The following RGS17 variants were observed in gnomAD, a reference collection of about 807,000 sequenced individuals.
The protein encoded by RGS17 is regulator of G-protein signaling 17.
Under a neutral mutation model 25.5 loss-of-function variants are expected in RGS17, and 12 were observed. The ratio of observed to expected loss-of-function variants is 0.47; its 90% confidence interval spans 0.30 to 0.76. RGS17 has a LOEUF of 0.76. Among genes scored for constraint, RGS17 ranks in the 30% least tolerant of loss-of-function variants. The pLI, the probability that RGS17 is intolerant of heterozygous loss-of-function variation, is 0.07. For synonymous variants in RGS17, 71 were observed against 76.9 expected, an observed-to-expected ratio of 0.92 and a Z score of 0.40; for missense variants, 196 against 242.2, an observed-to-expected ratio of 0.81 and a Z score of 1.27.
At chr6:153,073,359 T>C (rs1451030323) in intron 1 of RGS17, among the ~76,000 whole-genome samples, 2 of 152,180 alleles carry the variant, frequency 1.3e-5, no homozygotes, top group Admixed American at 6.6e-5. Context: ...CATCTACGAC[T>C]TTTTGATTCA....
intron 1 of RGS17, among the ~76,000 whole-genome samples, chr6:153,059,166 GA>G (rs1776602707): frequency 6.6e-6 from 1 of 152,014 alleles, no homozygotes; most frequent in African/African-American, 2.4e-5. Context: ...CTTAGTTACA[GA>G]TAAATATATA....
At chr6:153,095,014 A>G (rs1023997806) in intron 1 of RGS17, among the ~76,000 whole-genome samples, 1 of 152,176 alleles carries the variant, frequency 6.6e-6, no homozygotes, top group Non-Finnish European at 1.5e-5. Context: ...AATATTAATA[A>G]TGATGCATAA....
chr6:153,118,819 T>C (rs1777580127), intron 1 of RGS17, among the ~76,000 whole-genome samples: 1 of 152,192 alleles, frequency 6.6e-6, no homozygotes, highest in South Asian at 2.1e-4. Context: ...TCACCCTTTC[T>C]GCCACATGAC....
At chr6:153,060,392 C>T (rs1179113115) in intron 1 of RGS17, among the ~76,000 whole-genome samples, 2 of 152,150 alleles carry the variant, frequency 1.3e-5, no homozygotes, top group African/African-American at 4.8e-5. Context: ...CTGGCAGAGG[C>T]ACTTCCCCCA....
intron 4 of RGS17, among the ~76,000 whole-genome samples, chr6:153,017,188 G>A (rs73785717): frequency 0.019 from 2,846 of 152,154 alleles, 91 homozygotes; most frequent in African/African-American, 0.065. Flanking sequence ...AGGTTTGACC[G>A]CATTTAACTG....
At chr6:153,098,811 A>G (rs1777255012) in intron 1 of RGS17, among the ~76,000 whole-genome samples, 1 of 152,222 alleles carries the variant, frequency 6.6e-6, no homozygotes, top group African/African-American at 2.4e-5. Flanking sequence ...GAATACTATC[A>G]TTCTATGATC....
At chr6:153,024,646 A>G (rs199603868) in intron 3 of RGS17, 150 bp from the exon 4 acceptor site, 18 of 634,034 alleles carry the variant, frequency 2.8e-5, no homozygotes, top group East Asian at 1.4e-4. Context: ...GATGTGCCAA[A>G]TAAGTATCTG....
At chr6:153,055,586 G>T (rs1219585970) in intron 1 of RGS17, among the ~76,000 whole-genome samples, 1 of 152,088 alleles carries the variant, frequency 6.6e-6, no homozygotes, top group Non-Finnish European at 1.5e-5. Flanking sequence ...GCTGAGCAAG[G>T]ATGGAAAGTG....
intron 1 of RGS17, among the ~76,000 whole-genome samples, chr6:153,059,172 T>C (rs550586851): frequency 2.0e-5 from 3 of 152,300 alleles, no homozygotes; most frequent in African/African-American, 7.2e-5. Context: ...TACAGATAAA[T>C]ATATAAAAAG....
At chr6:153,078,868 T>C (rs1776926634) in intron 1 of RGS17, among the ~76,000 whole-genome samples, 1 of 151,986 alleles carries the variant, frequency 6.6e-6, no homozygotes, top group Non-Finnish European at 1.5e-5. Context: ...CATACAGAAA[T>C]ACAGTAGGCT....
chr6:153,037,576 C>A (rs575615682), intron 2 of RGS17, among the ~76,000 whole-genome samples: 3 of 152,014 alleles, frequency 2.0e-5, no homozygotes, highest in Non-Finnish European at 4.4e-5. Context: ...CAGGCGCATG[C>A]CACCACACCC....
chr6:153,043,722 A>G (rs1303865769), intron 2 of RGS17, among the ~76,000 whole-genome samples, 178 bp downstream of exon 2: 1 of 152,126 alleles, frequency 6.6e-6, no homozygotes, highest in African/African-American at 2.4e-5. Context: ...AATATTATAT[A>G]TTTTGTTTGT....
At chr6:153,058,826 A>G (rs1776598714) in intron 1 of RGS17, among the ~76,000 whole-genome samples, 1 of 152,130 alleles carries the variant, frequency 6.6e-6, no homozygotes, top group African/African-American at 2.4e-5. Flanking sequence ...TTCTTAGTTC[A>G]TGACCCATTT....
At chr6:153,022,186 T>G (rs988176871) in intron 4 of RGS17, among the ~76,000 whole-genome samples, 1 of 152,142 alleles carries the variant, frequency 6.6e-6, no homozygotes, top group African/African-American at 2.4e-5. Flanking sequence ...ACAGCCTGGG[T>G]GGCACAGTGA....
At chr6:153,094,016 TATC>T (rs1462214410) in intron 1 of RGS17, among the ~76,000 whole-genome samples, 1 of 152,134 alleles carries the variant, frequency 6.6e-6, no homozygotes, top group East Asian at 1.9e-4. Context: ...TAATATCTGG[TATC>T]ATCAATGGAG....
In RGS17 at chr6:153,011,420, T is replaced by C. The variant is rs1295993329; in HGVS notation, c.*154A>G. 1.7e-6 allele frequency: 1 copy of C among 590,828 alleles called. No individual in the cohort carries two copies. Among genetic ancestry groups the C allele is most frequent in the Non-Finnish European group, 3.0e-6 (1 of 337,156 alleles). 36.6% of individuals were successfully genotyped at this position (590,828 alleles called of 1,614,324 possible). A position where few individuals can be genotyped will look rare whatever the true frequency, so the allele number is the denominator to read the frequency against. ...CTCCAAACTTAACCATGGAAAACCT[T>C]GATAAAAATGGAGACAAAGACCATA... On this transcript the variant is annotated 3_prime_UTR_variant, in exon 5 of 5. Coordinates refer to ENST00000206262, the MANE Select transcript of RGS17 (RefSeq NM_012419.5).
chr6:153,091,341 C>T (rs3910736), intron 1 of RGS17, among the ~76,000 whole-genome samples: 55,719 of 151,754 alleles, frequency 0.37, 10,752 homozygotes, highest in East Asian at 0.66. Context: ...TTTGGAGAAC[C>T]ATCTCAAATG....
chr6:153,079,323 C>T (rs1776935451), intron 1 of RGS17, among the ~76,000 whole-genome samples: 1 of 151,912 alleles, frequency 6.6e-6, no homozygotes, highest in South Asian at 2.1e-4. Context: ...GGTGATCTGC[C>T]CGCTTCTGCC....
At chr6:153,111,262 C>T (rs1452172979) in intron 1 of RGS17, among the ~76,000 whole-genome samples, 1 of 152,124 alleles carries the variant, frequency 6.6e-6, no homozygotes, top group African/African-American at 2.4e-5. Flanking sequence ...GGGGGAGGGG[C>T]GTCCGCCATT....
Sources: allele counts gnomAD v4.1 joint callset (sites outside exome capture counted in the v4.1 genomes callset), GRCh38; gene constraint gnomAD v4.1.1; transcripts MANE v1.5; gene names NCBI Gene and HGNC (gene_info 2026-07-23, HGNC 2026-07-21).